NBAS: variants seen among roughly 807,000 people sequenced by gnomAD.
The protein encoded by NBAS is NBAS subunit of NRZ tethering complex.
Under a neutral mutation model 302.5 loss-of-function variants are expected in NBAS, and 219 were observed. The ratio of observed to expected loss-of-function variants is 0.72; its 90% CI spans 0.65 to 0.81. The LOEUF (loss-of-function observed/expected upper bound fraction) is 0.81. Among genes scored for constraint, NBAS ranks in the 30% least tolerant of loss-of-function variants. NBAS has a pLI of 0.00. For synonymous variants in NBAS, 1,118 were observed against 1,021.6 expected (o/e 1.09, Z -1.80); for missense variants, 2,932 against 2,841.6 (o/e 1.03, Z -0.72).
chr2:15,105,209 G>A, the NBAS span, among the ~76,000 whole-genome samples: 1 of 152,054 alleles, frequency 6.6e-6, no homozygotes, highest in Non-Finnish European at 1.5e-5. Flanking sequence ...GTTGAACAAT[G>A]AGAACACATG....
chr2:15,315,684 T>C (rs1007896079), intron 38 of NBAS, among the ~76,000 whole-genome samples: 1 of 152,178 alleles, frequency 6.6e-6, no homozygotes, highest in Non-Finnish European at 1.5e-5. Context: ...GGATTTGAGA[T>C]GGAAAGGAAA....
chr2:15,402,385 TATTA>T, intron 25 of NBAS, 84 bp from the exon 26 acceptor site: 1 of 1,268,802 alleles, frequency 7.9e-7, no homozygotes, highest in Non-Finnish European at 1.1e-6. Context: ...GTCAACAGAA[TATTA>T]AATAGCACAA....
rs773250820 is a variant in NBAS, at chr2:15,554,138, G to A, written c.210C>T (p.Ser70=). 7 of 1,612,744 alleles carry A rather than the reference G, an allele frequency of 4.3e-6. No homozygotes were observed. In the Admixed American group the frequency reaches 1.2e-4, roughly 27 times the overall value. The change falls in exon 4 of 52, where the codon AGC becomes AGT. Residue 70 remains serine (S), a splice_region_variant and synonymous_variant. Coordinates refer to ENST00000281513, the MANE Select transcript of NBAS (RefSeq NM_015909.4). The part of the protein sequence containing the change: ...LLFLRQYIWY[S]PAPFLLPDGL... ...CATCAGGGAGCAAAAAAGGTGCCGG[G>A]CTGAAATCACAACACATTAGTTAGC...
chr2:14,892,264 A>G, the NBAS span, among the ~76,000 whole-genome samples: 6 of 152,158 alleles, frequency 3.9e-5, no homozygotes, highest in Non-Finnish European at 8.8e-5. Context: ...AATAAATAGG[A>G]AAAAGAGAAA....
chr2:15,284,033 G>A (rs910654827), intron 42 of NBAS, among the ~76,000 whole-genome samples: 3 of 152,064 alleles, frequency 2.0e-5, no homozygotes, highest in Non-Finnish European at 2.9e-5. Context: ...GTGGAACCAA[G>A]AGGCTGAGAG....
intron 21 of NBAS, among the ~76,000 whole-genome samples, chr2:15,455,785 G>A (rs1215620322): frequency 7.4e-6 from 1 of 135,872 alleles, no homozygotes; most frequent in African/African-American, 2.7e-5. Context: ...TTGCTCCTAC[G>A]CTACACTATT....
chr2:15,112,277 A>G, the NBAS span, among the ~76,000 whole-genome samples: 1 of 152,048 alleles, frequency 6.6e-6, no homozygotes, highest in African/African-American at 2.4e-5. Flanking sequence ...TGCTTTTAGA[A>G]AGGAAGGCAA....
At chr2:15,320,045 C>T (rs1210840397) in intron 38 of NBAS, among the ~76,000 whole-genome samples, 1 of 152,144 alleles carries the variant, frequency 6.6e-6, no homozygotes, top group African/African-American at 2.4e-5. Context: ...AAAGCTTATC[C>T]ACCATGATCA....
intron 11 of NBAS, among the ~76,000 whole-genome samples, chr2:15,492,830 CA>C (rs1249970087): frequency 1.3e-5 from 2 of 152,122 alleles, no homozygotes; most frequent in African/African-American, 4.8e-5. Flanking sequence ...TTCATTATCC[CA>C]ACAGTAACTG....
At chr2:14,979,623 A>G in the NBAS span, among the ~76,000 whole-genome samples, 3 of 152,152 alleles carry the variant, frequency 2.0e-5, no homozygotes, top group Non-Finnish European at 2.9e-5. Flanking sequence ...TGCTTTTTCT[A>G]CTACTAGTCT....
At position 15,238,704 on chromosome 2, in the gene NBAS, T is replaced by G. The variant is rs1186375999; in HGVS notation, c.5725-18A>C. On this transcript the variant is annotated intron_variant, in intron 44 of 51. Transcript: ENST00000281513. ...ACAGACAGCTTAAAAAAAAGAATAG[T>G]GAGACCAAAGAACCCTGCATTATTA... 1.6e-5 allele frequency: 7 copies of G among 447,474 alleles called. No homozygotes were observed. Among genetic ancestry groups the G allele is most frequent in the Non-Finnish European group, 2.5e-5 (7 of 276,680 alleles). 27.7% of individuals were successfully genotyped at this position (447,474 alleles called of 1,614,324 possible).
chr2:15,295,884 A>G (rs1219577678), intron 40 of NBAS, among the ~76,000 whole-genome samples: 1 of 152,158 alleles, frequency 6.6e-6, no homozygotes, highest in Non-Finnish European at 1.5e-5. Flanking sequence ...CCTCACTTAT[A>G]AAAGAATGTC....
chr2:15,239,044 T>C (rs2147946928), intron 44 of NBAS, among the ~76,000 whole-genome samples: 1 of 152,056 alleles, frequency 6.6e-6, no homozygotes, highest in Non-Finnish European at 1.5e-5. Flanking sequence ...AGAAAATAAA[T>C]ACAGGCATAA....
intron 27 of NBAS, among the ~76,000 whole-genome samples, chr2:15,395,666 T>G (rs1345619517): frequency 6.6e-6 from 1 of 152,090 alleles, no homozygotes; most frequent in Non-Finnish European, 1.5e-5. Flanking sequence ...GGACTCCAAA[T>G]TATCATACAT....
chr2:15,317,496 A>G (rs1171565699), intron 38 of NBAS, among the ~76,000 whole-genome samples: 2 of 152,192 alleles, frequency 1.3e-5, no homozygotes, highest in Non-Finnish European at 1.5e-5. Flanking sequence ...GAAGCTAAAA[A>G]TCTTGAAAAA....
the NBAS span, among the ~76,000 whole-genome samples, chr2:14,815,799 C>T: frequency 3.3e-5 from 5 of 152,282 alleles, no homozygotes; most frequent in East Asian, 9.7e-4. Context: ...TCACACACAC[C>T]ATCCCAGACT....
In NBAS at chr2:15,442,339, T is replaced by C. The variant is rs1435861898; in HGVS notation, c.2340-14545A>G. Among the ~76,000 whole-genome samples the C allele has an allele frequency of 6.7e-5, 10 of 150,074 alleles. No homozygotes were observed. In the Admixed American group the frequency reaches 6.7e-4, roughly 10 times the overall value. On this transcript the variant is annotated intron_variant, in intron 21 of 51. Transcript: ENST00000281513. Reference sequence around the variant, plus strand: ...AGTGCAATCAAACTAGAACTCAGGATTAAGAAACTCACTCAAAACCGCTCA... The same window carrying C: ...AGTGCAATCAAACTAGAACTCAGGACTAAGAAACTCACTCAAAACCGCTCA...
At chr2:15,308,689 A>G (rs1000545278) in intron 39 of NBAS, among the ~76,000 whole-genome samples, 5 of 152,138 alleles carry the variant, frequency 3.3e-5, no homozygotes, top group Non-Finnish European at 5.9e-5. Flanking sequence ...AGAACTTCCA[A>G]CACTATGTTG....
the NBAS span, among the ~76,000 whole-genome samples, chr2:14,821,895 C>T: frequency 6.6e-6 from 1 of 151,702 alleles, no homozygotes; most frequent in Non-Finnish European, 1.5e-5. Flanking sequence ...TAGCCAGGCA[C>T]AGTGACAGGT....
Sources: allele counts gnomAD v4.1 joint callset (sites outside exome capture counted in the v4.1 genomes callset), GRCh38; gene constraint gnomAD v4.1.1; transcripts MANE v1.5; gene names NCBI Gene and HGNC (gene_info 2026-07-23, HGNC 2026-07-21).